MED18: variants seen among roughly 807,000 people sequenced by gnomAD.
The protein encoded by MED18 is mediator complex subunit 18.
MED18 carries 10 observed loss-of-function variants against 13.9 expected under a neutral mutation model. The observed-to-expected ratio is 0.72, with a 90% CI of 0.44 to 1.22. The LOEUF (loss-of-function observed/expected upper bound fraction) is 1.22. MED18 is among the 50% of genes most tolerant of loss of function. The pLI is 0.00. For missense variants in MED18, 216 were observed against 279.0 expected (o/e 0.77, Z 1.61); for synonymous variants, 88 against 93.2 (o/e 0.94, Z 0.32).
In MED18 at chr1:28,334,587, C is replaced by A; in HGVS notation, c.244C>A (p.Pro82Thr). The change falls in exon 3 of 3, where the codon CCC (proline) becomes ACC (threonine). Residue 82 changes from proline to threonine, a missense_variant. Transcript: ENST00000373842. ...ACGCTCTATGGACAGGGCAGGGGCA[C>A]CCTGGCATCTGCGCTACCTGGGACA... ...ARRSMDRAGAPWHLRYLGQPE... is the reference protein window; with the variant it reads ...ARRSMDRAGATWHLRYLGQPE... 1 of 1,614,174 alleles carries A rather than the reference C, an allele frequency of 6.2e-7. No individual in the cohort carries two copies. The highest frequency in any genetic ancestry group is 1.3e-5 in the African/African-American group (1 of 75,034).
chr1:28,333,533 C>T (rs1339939115), intron 2 of MED18, among the ~76,000 whole-genome samples: 2 of 152,216 alleles, frequency 1.3e-5, no homozygotes, highest in East Asian at 1.9e-4. Context: ...CTCTCTTCTA[C>T]TTACATACAG....
intron 2 of MED18, among the ~76,000 whole-genome samples, chr1:28,332,022 C>T (rs898756906): frequency 1.3e-5 from 2 of 152,242 alleles, no homozygotes; most frequent in South Asian, 2.1e-4. Context: ...GGATTACAGG[C>T]GTGAGCCACC....
chr1:28,334,841 C>T lies in MED18; in HGVS notation c.498C>T (p.Ser166=), dbSNP rs930354036. 3 of 1,613,982 alleles carry T rather than the reference C, an allele frequency of 1.9e-6. No homozygotes were observed. Among genetic ancestry groups the T allele is most frequent in the African/African-American group, 2.7e-5 (2 of 74,894 alleles). ...NTDSTEALSL[S]YLVELSVVAP... ...ACAGCACTGAGGCCTTGTCACTCTC[C>T]TATCTCGTGGAATTAAGTGTGGTAG... Residue 166 remains serine (S), a synonymous_variant, in exon 3 of 3, where the codon TCC becomes TCT. Coordinates refer to ENST00000373842, the MANE Select transcript of MED18 (RefSeq NM_017638.3).
intron 1 of MED18, 104 bp downstream of exon 1, chr1:28,329,284 T>A (rs1030579115): frequency 7.0e-6 from 1 of 142,660 alleles, no homozygotes; most frequent in Admixed American, 7.1e-5. Context: ...CTCTCTCTTT[T>A]TTTTTTTTTT....
rs146026180 is a variant in MED18 at position 28,334,753 on chromosome 1, G to A, written c.410G>A (p.Arg137His). Residue 137 changes from arginine to histidine, a missense_variant, in exon 3 of 3, where the codon CGT becomes CAT. By Grantham distance (29) the Arg-to-His change is conservative. Coordinates refer to ENST00000373842, the MANE Select transcript of MED18 (RefSeq NM_017638.3). The part of the protein sequence containing the change: ...HEFVAKGHLF[R>H]KGIMKIMVYK... ...TTTGTTGCTAAGGGACATTTGTTCC[G>A]TAAGGGCATCATGAAGATTATGGTG... 3.4e-5 allele frequency: 55 copies of A among 1,614,168 alleles called. No homozygotes were observed. In the African/African-American group the frequency reaches 5.1e-4, roughly 15 times the overall value.
intron 2 of MED18, among the ~76,000 whole-genome samples, chr1:28,333,041 C>G (rs1390328994): frequency 2.6e-5 from 4 of 152,066 alleles, no homozygotes; most frequent in Non-Finnish European, 4.4e-5. Flanking sequence ...CCTGGGTAAC[C>G]AACTAAAAAC....
intron 1 of MED18, chr1:28,330,310 T>A (rs1437365029): frequency 5.8e-6 from 1 of 171,634 alleles, no homozygotes; most frequent in African/African-American, 2.4e-5. Flanking sequence ...CTGGCCTCAT[T>A]TTATAAGGAA....
Position 28,335,758 on chromosome 1 carries a change from G to T in MED18, c.*788G>T, listed in dbSNP as rs182930430. ...AATCGCTTGAACCCAGGAGGTGAAG[G>T]TTGCAGTGACCAGAGATGACGCCAT... is the stretch of plus-strand genomic sequence containing the variant. On this transcript the variant is annotated 3_prime_UTR_variant, in exon 3 of 3. Transcript: ENST00000373842. 1 of 152,152 alleles carries T rather than the reference G, an allele frequency of 6.6e-6. No individual in the cohort carries two copies. The highest frequency in any genetic ancestry group is 1.9e-4 in the East Asian group (1 of 5,168). 9.4% of individuals were successfully genotyped at this position (152,152 alleles called of 1,614,324 possible).
Position 28,334,792 on chromosome 1 carries a change from G to A in MED18, c.449G>A (p.Arg150His), listed in dbSNP as rs761551850. Reference protein sequence around the residue: ...IMKIMVYKIFRILVPGNTDST... With the variant: ...IMKIMVYKIFHILVPGNTDST... ...AAGATTATGGTGTACAAGATTTTCC[G>A]CATCCTGGTGCCAGGGAACACAGAC... The change falls in exon 3 of 3, where the codon CGC becomes CAC. Residue 150 changes from arginine (R) to histidine (H), a missense_variant. Transcript: ENST00000373842. 6 of 1,614,124 alleles carry A rather than the reference G, an allele frequency of 3.7e-6. No individual in the cohort carries two copies. Among genetic ancestry groups the A allele is most frequent in the African/African-American group, 1.3e-5 (1 of 75,038 alleles).
intron 1 of MED18, 24 bp from the exon 2 acceptor site, chr1:28,330,573 A>T (rs766940025): frequency 3.1e-6 from 3 of 955,782 alleles, no homozygotes; most frequent in Non-Finnish European, 4.8e-6. Flanking sequence ...ACTTTGATGT[A>T]TAAACAAGTG....
In MED18 at chr1:28,329,199, A is replaced by G. The variant is rs1235173522; in HGVS notation, c.-67+19A>G. On this transcript the variant is annotated intron_variant, in intron 1 of 2. Transcript: ENST00000373842. ...CAAGGAGGTGTGCTTCTAGTGTTTAATTGGATACGTGTTATGGATGCCGGC... is the reference window on the plus strand; with the variant it reads ...CAAGGAGGTGTGCTTCTAGTGTTTAGTTGGATACGTGTTATGGATGCCGGC... The G allele has an allele frequency of 6.6e-6, 1 of 151,800 alleles. No individual in the cohort carries two copies. The highest frequency in any genetic ancestry group is 1.5e-5 in the Non-Finnish European group (1 of 68,022). The allele number at this position is 151,800 out of a possible 1,614,324, so 9.4% of individuals were successfully genotyped here. A position where few individuals can be genotyped will look rare whatever the true frequency, so the allele number is the denominator to read the frequency against.
chr1:28,334,972 TA>T lies in MED18; in HGVS notation c.*4del, dbSNP rs749307872. The stretch of plus-strand genomic sequence containing the variant: ...ATAGACCCCAAGAGGCTCATGTGAC[TA>T]AGAGGATCTGTCCACATTTGGGGCC... On this transcript the variant is annotated 3_prime_UTR_variant, in exon 3 of 3. Coordinates refer to ENST00000373842, the MANE Select transcript of MED18 (RefSeq NM_017638.3). The T allele has an allele frequency of 3.4e-5, 54 of 1,607,104 alleles. No individual in the cohort carries two copies. Among genetic ancestry groups the T allele is most frequent in the Non-Finnish European group, 4.4e-5 (52 of 1,175,130 alleles).
chr1:28,330,567 T>C, intron 1 of MED18, 30 bp from the exon 2 acceptor site: 1 of 862,994 alleles, frequency 1.2e-6, no homozygotes. Context: ...TCCACCACTT[T>C]GATGTATAAA....
At position 28,331,018 on chromosome 1, in the gene MED18, C is replaced by G. The variant is rs577094510; in HGVS notation, c.73+283C>G. ...CCATCCTGGCTAACACAGTGAAACC[C>G]TGTCTCTACTAAAAATACAAAAGAA... On this transcript the variant is annotated intron_variant, in intron 2 of 2. Transcript: ENST00000373842. Among the ~76,000 whole-genome samples the G allele has an allele frequency of 5.9e-5, 9 of 152,132 alleles. No individual in the cohort carries two copies. In the South Asian group the frequency reaches 1.5e-3, roughly 25 times the overall value.
rs964663402 is a variant in MED18, at chr1:28,329,041, G to A, written c.-206G>A. ...CGACCGGAAGTGAGAAGAGGAGGAA[G>A]TTGGCTGGTTGCACCGATCTGGGGG... On this transcript the variant is annotated 5_prime_UTR_variant, in exon 1 of 3. Coordinates refer to ENST00000373842, the MANE Select transcript of MED18 (RefSeq NM_017638.3). 6.6e-6 allele frequency: 1 copy of A among 152,218 alleles called. No homozygotes were observed. The highest frequency in any genetic ancestry group is 2.1e-4 in the South Asian group (1 of 4,836). The allele number at this position is 152,218 out of a possible 1,614,324, so 9.4% of individuals were successfully genotyped here.
At chr1:28,331,718 A>C (rs1649742080) in intron 2 of MED18, among the ~76,000 whole-genome samples, 1 of 151,990 alleles carries the variant, frequency 6.6e-6, no homozygotes, top group South Asian at 2.1e-4. Context: ...CCAAACCCTT[A>C]GCAACTATCT....
At position 28,335,036 on chromosome 1, in the gene MED18, T is replaced by C; in HGVS notation, c.*66T>C. The C allele has an allele frequency of 2.1e-6, 3 of 1,454,954 alleles. No homozygotes were observed. The highest frequency in any genetic ancestry group is 2.8e-6 in the Non-Finnish European group (3 of 1,076,328). 90.1% of individuals were successfully genotyped at this position (1,454,954 alleles called of 1,614,324 possible). A position where few individuals can be genotyped will look rare whatever the true frequency, so the allele number is the denominator to read the frequency against. Reference sequence around the variant, plus strand: ...TTTGAAAAAATATGTTTGCTTTTTTTGGTTTTTGTTTTGTTTTGTTTTTGA... The same window carrying C: ...TTTGAAAAAATATGTTTGCTTTTTTCGGTTTTTGTTTTGTTTTGTTTTTGA... On this transcript the variant is annotated 3_prime_UTR_variant, in exon 3 of 3. Coordinates refer to ENST00000373842, the MANE Select transcript of MED18 (RefSeq NM_017638.3).
chr1:28,329,276 C>CTTT, intron 1 of MED18, 96 bp downstream of exon 1: 2 of 129,104 alleles, frequency 1.5e-5, no homozygotes, highest in African/African-American at 3.2e-5. Flanking sequence ...TTGGCTCTCT[C>CTTT]TCTCTTTTTT....
In MED18 at chr1:28,334,880, G is replaced by T. The variant is rs552094893; in HGVS notation, c.537G>T (p.Gln179His). ...TAAGTGTGGTAGCACCCGCTGGGCA[G>T]GACATGGTCTCTGATGACATGAAGA... ...VELSVVAPAG[Q>H]DMVSDDMKNF... Residue 179 changes from glutamine to histidine, a missense_variant, in exon 3 of 3, where the codon CAG becomes CAT. Coordinates refer to ENST00000373842, the MANE Select transcript of MED18 (RefSeq NM_017638.3). 1 of 1,614,152 alleles carries T rather than the reference G, an allele frequency of 6.2e-7. No individual in the cohort carries two copies. The highest frequency in any genetic ancestry group is 8.5e-7 in the Non-Finnish European group (1 of 1,180,030).
Sources: allele counts gnomAD v4.1 joint callset (sites outside exome capture counted in the v4.1 genomes callset), GRCh38; gene constraint gnomAD v4.1.1; transcripts MANE v1.5; gene names NCBI Gene and HGNC (gene_info 2026-07-23, HGNC 2026-07-21).